TENM2: variants seen among roughly 807,000 people sequenced by gnomAD.
TENM2 encodes the protein teneurin-2.
TENM2 carries 52 observed loss-of-function variants against 245.2 expected under a neutral mutation model. The observed-to-expected ratio is 0.21, with a 90% CI of 0.17 to 0.27. TENM2 has a LOEUF of 0.27. TENM2 is among the 10% of genes least tolerant of loss of function. The pLI is 1.00. For synonymous variants in TENM2, 1,363 were observed against 1,438.9 expected (o/e 0.95, Z 1.19); for missense variants, 3,046 against 3,666.8 (o/e 0.83, Z 4.37).
intron 2 of TENM2, among the ~76,000 whole-genome samples, chr5:167,730,586 G>A (rs1033705595): frequency 3.3e-4 from 50 of 152,100 alleles, no homozygotes; most frequent in African/African-American, 9.9e-4. Flanking sequence ...CTACTCCCCC[G>A]TCATCCTGGA....
chr5:167,641,543 A>G (rs892027622), intron 2 of TENM2, among the ~76,000 whole-genome samples: 4 of 152,178 alleles, frequency 2.6e-5, no homozygotes, highest in Admixed American at 1.3e-4. Flanking sequence ...TTTCTCAAAC[A>G]ATCCTTCTGG....
chr5:168,050,746 T>G (rs1485766013), intron 6 of TENM2, among the ~76,000 whole-genome samples: 3 of 152,380 alleles, frequency 2.0e-5, no homozygotes, highest in Admixed American at 2.0e-4. Context: ...TCTGATATGT[T>G]GGTGGAAACA....
intron 5 of TENM2, 111 bp from the exon 8 acceptor site, chr5:168,047,316 C>G (rs369817724): frequency 3.1e-6 from 4 of 1,281,444 alleles, no homozygotes; most frequent in Non-Finnish European, 4.4e-6. Flanking sequence ...CCATTTTTGA[C>G]GCAGCTTCCT....
chr5:167,447,593 C>T (rs1338421636), intron 2 of TENM2, among the ~76,000 whole-genome samples: 1 of 152,064 alleles, frequency 6.6e-6, no homozygotes, highest in Admixed American at 6.6e-5. Context: ...GTAAAAGGGG[C>T]CAAGGAGTGC....
intron 1 of TENM2, among the ~76,000 whole-genome samples, chr5:167,374,518 G>C (rs538870540): frequency 1.3e-5 from 2 of 152,158 alleles, no homozygotes; most frequent in Non-Finnish European, 2.9e-5. Flanking sequence ...AATTTTAAGA[G>C]ATAAATGCCC....
intron 12 of TENM2, among the ~76,000 whole-genome samples, chr5:168,157,922 T>G (rs184974116): frequency 5.9e-5 from 9 of 151,998 alleles, no homozygotes; most frequent in African/African-American, 1.4e-4. Context: ...GTTGTTGGTG[T>G]TGTTGTTGTT....
intron 2 of TENM2, among the ~76,000 whole-genome samples, chr5:167,421,844 G>A (rs1379666734): frequency 6.6e-6 from 1 of 152,172 alleles, no homozygotes; most frequent in Non-Finnish European, 1.5e-5. Context: ...CCAGGCTGGA[G>A]TACAGTGCCA....
chr5:167,083,805 A>G, the TENM2 span, among the ~76,000 whole-genome samples: 114 of 152,336 alleles, frequency 7.5e-4, no homozygotes, highest in Non-Finnish European at 2.2e-4. Flanking sequence ...GGGCCATTCC[A>G]GAGCAAAAAG....
At chr5:167,360,860 G>A (rs1442014502) in intron 1 of TENM2, among the ~76,000 whole-genome samples, 1 of 152,130 alleles carries the variant, frequency 6.6e-6, no homozygotes, top group African/African-American at 2.4e-5. Flanking sequence ...ATAAGTAGTG[G>A]AATAGGAATT....
At chr5:167,532,096 C>T (rs540245191) in intron 2 of TENM2, among the ~76,000 whole-genome samples, 4 of 152,178 alleles carry the variant, frequency 2.6e-5, no homozygotes, top group African/African-American at 9.6e-5. Context: ...CCATGAGGCT[C>T]CTGTTAATAC....
At chr5:168,142,920 C>T (rs1336436942) in intron 12 of TENM2, among the ~76,000 whole-genome samples, 1 of 152,214 alleles carries the variant, frequency 6.6e-6, no homozygotes, top group Non-Finnish European at 1.5e-5. Flanking sequence ...CCTCTCCACC[C>T]ACCTTTCACT....
At chr5:167,576,965 G>T (rs1230359412) in intron 2 of TENM2, among the ~76,000 whole-genome samples, 1 of 152,202 alleles carries the variant, frequency 6.6e-6, no homozygotes, top group African/African-American at 2.4e-5. Context: ...TGGATATTAA[G>T]TGTCAGATTT....
chr5:167,540,316 G>T (rs944451940), intron 2 of TENM2, among the ~76,000 whole-genome samples: 1 of 152,124 alleles, frequency 6.6e-6, no homozygotes, highest in Non-Finnish European at 1.5e-5. Context: ...TACCATAGGG[G>T]ATCAAAATCC....
intron 27 of TENM2, among the ~76,000 whole-genome samples, chr5:168,255,143 T>C (rs1444343881): frequency 6.6e-6 from 1 of 152,102 alleles, no homozygotes; most frequent in South Asian, 2.1e-4. Flanking sequence ...TGGTGAAAGA[T>C]GGGACGATTT....
At chr5:167,144,617 G>A in the TENM2 span, among the ~76,000 whole-genome samples, 1 of 152,120 alleles carries the variant, frequency 6.6e-6, no homozygotes, top group East Asian at 1.9e-4. Flanking sequence ...CAAGAAAGCG[G>A]CAGGATCCAT....
chr5:167,845,668 TAGAC>T (rs2151179814), intron 2 of TENM2, among the ~76,000 whole-genome samples: 1 of 152,162 alleles, frequency 6.6e-6, no homozygotes, highest in Non-Finnish European at 1.5e-5. Context: ...GACAGACAAA[TAGAC>T]AGAATATTGT....
chr5:167,075,206 G>A, the TENM2 span, among the ~76,000 whole-genome samples: 1 of 152,148 alleles, frequency 6.6e-6, no homozygotes, highest in Non-Finnish European at 1.5e-5. Flanking sequence ...GTTAGAGAGA[G>A]AGAGAGAGAG....
chr5:167,524,103 C>T (rs569133041), intron 2 of TENM2, among the ~76,000 whole-genome samples: 1 of 152,256 alleles, frequency 6.6e-6, no homozygotes, highest in South Asian at 2.1e-4. Flanking sequence ...ACCATAATCC[C>T]TATTGAGTCA....
chr5:167,439,343 C>T (rs908826435), intron 2 of TENM2, among the ~76,000 whole-genome samples: 3 of 152,152 alleles, frequency 2.0e-5, no homozygotes, highest in Admixed American at 1.3e-4. Context: ...GGCTTAGATA[C>T]ATGAATGGCG....
Sources: allele counts gnomAD v4.1 joint callset (sites outside exome capture counted in the v4.1 genomes callset), GRCh38; gene constraint gnomAD v4.1.1; transcripts MANE v1.5; gene names NCBI Gene and HGNC (gene_info 2026-07-23, HGNC 2026-07-21).